The following CCDC124 variants were observed in gnomAD, a reference collection of about 807,000 sequenced individuals.
CCDC124 encodes coiled-coil domain containing 124, also known as coiled-coil domain-containing protein 124.
A neutral mutation model predicts 19.8 loss-of-function variants in CCDC124; 9 were observed. That is an observed-to-expected ratio of 0.45 (90% CI 0.27 to 0.79). CCDC124 has a LOEUF of 0.79. Ranked by LOEUF, CCDC124 falls within the 30% of genes least tolerant of loss-of-function variation. The pLI is 0.14. For synonymous variants in CCDC124, 126 were observed against 131.3 expected (o/e 0.96, Z 0.27); for missense variants, 285 against 319.0 (o/e 0.89, Z 0.81).
chr19:17,943,481 C>A (rs778858953), intron 4 of CCDC124, 27 bp from the exon 5 acceptor site: 1 of 1,602,846 alleles, frequency 6.2e-7, no homozygotes, highest in Non-Finnish European at 8.5e-7. Context: ...GCGCCCAAGG[C>A]CCCCTGACGC....
chr19:17,940,343 T>C (rs556194923), intron 2 of CCDC124, among the ~76,000 whole-genome samples: 96 of 152,144 alleles, frequency 6.3e-4, no homozygotes, highest in Admixed American at 5.5e-3. Context: ...GGACAGGCAA[T>C]TGGGGCCAGG....
chr19:17,935,436 T>C (rs1397431723), intron 1 of CCDC124, among the ~76,000 whole-genome samples: 2 of 152,216 alleles, frequency 1.3e-5, no homozygotes, highest in African/African-American at 4.8e-5. Context: ...TTTTTTTTTT[T>C]TTGAGATGGA....
rs145014287 is a variant in CCDC124 at position 17,937,684 on chromosome 19, A to G, written c.159+1105A>G. On this transcript the variant is annotated intron_variant, in intron 2 of 4. Transcript: ENST00000445755. ...TGAGAAACGCTGTGATCAGGCCCCCATTTCCAACCTGTTGACCCAGGTCCA... is the reference window on the plus strand; with the variant it reads ...TGAGAAACGCTGTGATCAGGCCCCCGTTTCCAACCTGTTGACCCAGGTCCA... Among the ~76,000 whole-genome samples the G allele has an allele frequency of 3.3e-3, 498 of 152,022 alleles. 15 individuals are homozygous for G. The South Asian group carries it at 0.078, about 24-fold the overall frequency.
rs1249578591 is a variant in CCDC124 at position 17,935,753 on chromosome 19, A to T, written c.-11-657A>T. Among the ~76,000 whole-genome samples, 13 of 150,966 alleles carry T rather than the reference A, an allele frequency of 8.6e-5. 1 individual carries two copies. On this transcript the variant is annotated intron_variant, in intron 1 of 4. Transcript: ENST00000445755. ...TCCGCCACCACACCCAGCAATTTTT[A>T]TTTATTTTTAGTTGACACGGGGTTT...
rs552971144 is a variant in CCDC124 at position 17,942,679 on chromosome 19, C to T, written c.183C>T (p.Leu61=). Reference sequence around the variant, plus strand: ...AGGAGGAGAAGGAGAAGCGGCGCCTCGACCAGCTGGAACGTAAGAAGGAGA... The same window carrying T: ...AGGAGGAGAAGGAGAAGCGGCGCCTTGACCAGCTGGAACGTAAGAAGGAGA... ...QRKEEKEKRR[L]DQLERKKETQ... Residue 61 remains leucine, a synonymous_variant, in exon 3 of 5, where the codon CTC becomes CTT. Coordinates refer to ENST00000445755, the MANE Select transcript of CCDC124 (RefSeq NM_001136203.2). This position sits in a 1 kb window ranked among gnomAD's most constrained non-coding sequence, Gnocchi z 4.2. 23 of 1,556,278 alleles carry T rather than the reference C, an allele frequency of 1.5e-5. No homozygotes were observed. Among genetic ancestry groups the T allele is most frequent in the South Asian group, 1.4e-4 (12 of 84,490 alleles).
At chr19:17,933,368 C>A (rs930949372) in intron 1 of CCDC124, among the ~76,000 whole-genome samples, 3 of 152,174 alleles carry the variant, frequency 2.0e-5, no homozygotes, top group African/African-American at 4.8e-5. Context: ...TGGGGGACTT[C>A]AAAAGGGATA....
At position 17,942,928 on chromosome 19, in the gene CCDC124, C is replaced by G. The variant is rs1429984022; in HGVS notation, c.349+83C>G. On this transcript the variant is annotated intron_variant, in intron 3 of 4. Transcript: ENST00000445755. This position sits in a 1 kb window ranked among gnomAD's most constrained non-coding sequence, Gnocchi z 4.2. ...TTGAGTCCATTAGCCCCCTCCTGGC[C>G]CCCAGAGAAGCTGCCGGGGCTCCAC... The G allele has an allele frequency of 4.9e-6, 7 of 1,427,896 alleles. No individual in the cohort carries two copies. Among genetic ancestry groups the G allele is most frequent in the Non-Finnish European group, 6.5e-6 (7 of 1,083,544 alleles). 88.5% of individuals were successfully genotyped at this position (1,427,896 alleles called of 1,614,324 possible).
rs760915574 is a variant in CCDC124, at chr19:17,943,677, A to G, written c.634A>G (p.Met212Val). Residue 212 changes from methionine to valine, a missense_variant, in exon 5 of 5, where the codon ATG becomes GTG. Transcript: ENST00000445755. Reference sequence around the variant, plus strand: ...GTGGCTCCGCTCTCCTGACAACCCCATGAACCAGCGGGCCGTGCCCTTCAA... The same window carrying G: ...GTGGCTCCGCTCTCCTGACAACCCCGTGAACCAGCGGGCCGTGCCCTTCAA... Reference protein sequence around the residue: ...KEWLRSPDNPMNQRAVPFNAP... With the variant: ...KEWLRSPDNPVNQRAVPFNAP... The G allele has an allele frequency of 5.0e-6, 8 of 1,612,782 alleles. No homozygotes were observed. Among genetic ancestry groups the G allele is most frequent in the South Asian group, 4.4e-5 (4 of 91,070 alleles).
At chr19:17,939,271 T>C (rs1265082805) in intron 2 of CCDC124, among the ~76,000 whole-genome samples, 1 of 152,034 alleles carries the variant, frequency 6.6e-6, no homozygotes, top group Non-Finnish European at 1.5e-5. Context: ...GGCGCGCACC[T>C]GTAGTCCCAG....
At chr19:17,943,419 C>T in intron 4 of CCDC124, 44 bp downstream of exon 4, 1 of 1,300,914 alleles carries the variant, frequency 7.7e-7, no homozygotes. Flanking sequence ...TGGAGCTGGT[C>T]ATCGGGGGCG....
chr19:17,942,611 G>A lies in CCDC124; in HGVS notation c.160-45G>A, dbSNP rs1200115354. The A allele has an allele frequency of 1.3e-6, 2 of 1,542,988 alleles. No individual in the cohort carries two copies. The highest frequency in any genetic ancestry group is 2.1e-4 in the Middle Eastern group (1 of 4,776). On this transcript the variant is annotated intron_variant, in intron 2 of 4. Coordinates refer to ENST00000445755, the MANE Select transcript of CCDC124 (RefSeq NM_001136203.2). This position sits in a 1 kb window ranked among gnomAD's most constrained non-coding sequence, Gnocchi z 4.2. ...CGAACCCCAGGCTAGTGGGTGGCGC[G>A]GGGGTGTGGGGTCTTCTGCCTGACC...
chr19:17,941,744 C>T (rs1224934839), intron 2 of CCDC124, among the ~76,000 whole-genome samples: 1 of 152,110 alleles, frequency 6.6e-6, no homozygotes, highest in East Asian at 1.9e-4. Flanking sequence ...GTGCGTCCAC[C>T]CCTATTCTGC....
chr19:17,939,039 C>G (rs1225727786), intron 2 of CCDC124, among the ~76,000 whole-genome samples: 1 of 151,700 alleles, frequency 6.6e-6, no homozygotes, highest in Admixed American at 6.6e-5. Context: ...GTTGGGGGAT[C>G]ATCAAAATTT....
rs368704121 is a variant in CCDC124, at chr19:17,943,519, A to C, written c.476A>C (p.Glu159Ala). Residue 159 changes from glutamate (E) to alanine (A), a missense_variant, in exon 5 of 5, where the codon GAG becomes GCG. Transcript: ENST00000445755. ...ATGTCCACCCCCAGCGTGGCGGAGG[A>C]GGCGGCCGACCGGCACCCAGAAAGA... ...DAIAVLSVAE[E>A]AADRHPERRM... 3.1e-6 allele frequency: 5 copies of C among 1,611,024 alleles called. No homozygotes were observed. The highest frequency in any genetic ancestry group is 1.3e-5 in the African/African-American group (1 of 74,860).
intron 1 of CCDC124, among the ~76,000 whole-genome samples, chr19:17,934,191 G>A (rs868431741): frequency 6.6e-5 from 10 of 151,600 alleles, no homozygotes; most frequent in Admixed American, 1.3e-4. Flanking sequence ...AGGCATGGTG[G>A]CACATGCCAA....
chr19:17,943,334 C>A lies in CCDC124; in HGVS notation c.423C>A (p.Ser141Arg). 4.3e-6 allele frequency: 6 copies of A among 1,394,118 alleles called. No individual in the cohort carries two copies. The highest frequency in any genetic ancestry group is 5.7e-6 in the Non-Finnish European group (6 of 1,053,508). 86.4% of individuals were successfully genotyped at this position (1,394,118 alleles called of 1,614,324 possible). A position where few individuals can be genotyped will look rare whatever the true frequency, so the allele number is the denominator to read the frequency against. ...ACCGCCGCGTGCTGGAGGAGGGCAG[C>A]GTGGAGGCGCGCACCATCGAGGACG... ...NVNRRVLEEG[S>R]VEARTIEDAI... is the part of the protein sequence containing the mutation. Residue 141 changes from serine to arginine, a missense_variant, in exon 4 of 5, where the codon AGC (serine) becomes AGA (arginine). Coordinates refer to ENST00000445755, the MANE Select transcript of CCDC124 (RefSeq NM_001136203.2).
intron 1 of CCDC124, among the ~76,000 whole-genome samples, chr19:17,936,067 G>A (rs2031054884): frequency 6.6e-6 from 1 of 151,976 alleles, no homozygotes; most frequent in African/African-American, 2.4e-5. Flanking sequence ...ACCATGCCCA[G>A]CTAATTTTTG....
chr19:17,936,645 A>C, intron 2 of CCDC124, 66 bp downstream of exon 2: 1 of 1,540,382 alleles, frequency 6.5e-7, no homozygotes, highest in Non-Finnish European at 8.8e-7. Flanking sequence ...CATTATGTCA[A>C]TGTGGGTGAA....
chr19:17,942,646 G>GC lies in CCDC124; in HGVS notation c.160-5dup, dbSNP rs543132390. 681 of 1,552,736 alleles carry GC rather than the reference G, an allele frequency of 4.4e-4. 1 individual carries two copies. Among genetic ancestry groups the GC allele is most frequent in the Non-Finnish European group, 5.6e-4 (639 of 1,148,278 alleles). ...GGTCTTCTGCCTGACCATGCACGCC[G>GC]CCCCCGCAGGAGGAGAAGGAGAAGC... On this transcript the variant is annotated splice_polypyrimidine_tract_variant and intron_variant, in intron 2 of 4. Transcript: ENST00000445755. The surrounding 1 kb of genome is among the most constrained non-coding windows in gnomAD (Gnocchi z 4.2).
Sources: allele counts gnomAD v4.1 joint callset (sites outside exome capture counted in the v4.1 genomes callset), GRCh38; gene constraint gnomAD v4.1.1; non-coding constraint Gnocchi (gnomAD v3.1); transcripts MANE v1.5; gene names NCBI Gene and HGNC (gene_info 2026-07-23, HGNC 2026-07-21).